Variants in OPRM1 observed in about 807,000 individuals in gnomAD.
OPRM1 encodes the protein opioid receptor mu 1, also known as mu-type opioid receptor.
A neutral mutation model predicts 31.8 loss-of-function variants in OPRM1; 27 were observed. That is an observed-to-expected ratio of 0.85 (90% CI 0.63 to 1.17). The LOEUF is 1.17. OPRM1 is among the 50% of genes most tolerant of loss of function. OPRM1 has a pLI of 0.00. For synonymous variants in OPRM1, 196 were observed against 189.9 expected, an observed-to-expected ratio of 1.03 and a Z score of -0.26; for missense variants, 536 against 511.1, an observed-to-expected ratio of 1.05 and a Z score of -0.47.
In OPRM1 at chr6:154,129,293, GTTC is replaced by G. The variant is rs923111261; in HGVS notation, c.*10577_*10579del. Among the ~76,000 whole-genome samples the G allele has an allele frequency of 3.9e-5, 6 of 152,202 alleles. No individual in the cohort carries two copies. The highest frequency in any genetic ancestry group is 2.6e-4 in the Admixed American group (4 of 15,286). On this transcript the variant is annotated 3_prime_UTR_variant, in exon 4 of 4. Transcript: ENST00000330432. Reference sequence around the variant, plus strand: ...TCTATACAATAGAGAACAGAACAATGTTCTTCTATACAATGTAAGGAATCTATG... The same window carrying G: ...TCTATACAATAGAGAACAGAACAATGTTCTATACAATGTAAGGAATCTATG...
At chr6:154,094,134 T>G in intron 3 of OPRM1, 1 of 825,476 alleles carries the variant, frequency 1.2e-6, no homozygotes, top group Middle Eastern at 2.6e-4. Context: ...CCTTATGTAT[T>G]TGTACTTTCT....
chr6:154,056,097 C>G (rs889900041), intron 1 of OPRM1, among the ~76,000 whole-genome samples: 2 of 151,342 alleles, frequency 1.3e-5, no homozygotes, highest in East Asian at 3.9e-4. Context: ...AATGATGGAG[C>G]TCTTTTCTTT....
At chr6:154,045,949 T>A (rs532394691) in intron 1 of OPRM1, among the ~76,000 whole-genome samples, 1 of 152,304 alleles carries the variant, frequency 6.6e-6, no homozygotes, top group South Asian at 2.1e-4. Flanking sequence ...CTCAAAAACA[T>A]GCCTCGTTTT....
At chr6:154,053,592 C>T (rs1291880855) in intron 1 of OPRM1, among the ~76,000 whole-genome samples, 2 of 152,142 alleles carry the variant, frequency 1.3e-5, no homozygotes, top group African/African-American at 2.4e-5. Flanking sequence ...TGCTTATAAT[C>T]CCTTGACTTC....
chr6:154,195,084 T>C (rs536936478), intron 3 of OPRM1, among the ~76,000 whole-genome samples: 5 of 151,968 alleles, frequency 3.3e-5, no homozygotes, highest in Non-Finnish European at 5.9e-5. Flanking sequence ...CCTTCTTATG[T>C]CCTGTCTCCT....
At chr6:154,225,283 A>G (rs1397694748) in intron 3 of OPRM1, among the ~76,000 whole-genome samples, 1 of 152,194 alleles carries the variant, frequency 6.6e-6, no homozygotes, top group Admixed American at 6.5e-5. Context: ...AGGGTACTCA[A>G]ATACATGTGC....
chr6:154,159,838 T>A, intron 3 of OPRM1: 1 of 1,611,346 alleles, frequency 6.2e-7, no homozygotes, highest in Non-Finnish European at 8.5e-7. Flanking sequence ...TCAAATGGAA[T>A]TTTCAACAGA....
chr6:154,186,494 T>C (rs1013046028), intron 3 of OPRM1, among the ~76,000 whole-genome samples: 10 of 152,044 alleles, frequency 6.6e-5, no homozygotes, highest in Non-Finnish European at 1.2e-4. Context: ...TCGCCGCCTA[T>C]CCTCCTTTCG....
chr6:154,056,162 T>C (rs945590065), intron 1 of OPRM1, among the ~76,000 whole-genome samples: 2 of 152,008 alleles, frequency 1.3e-5, no homozygotes, highest in African/African-American at 4.8e-5. Context: ...TCTTGCTCTG[T>C]CACCAGGCTG....
chr6:154,022,782 C>A (rs1562373332), intron 1 of OPRM1, among the ~76,000 whole-genome samples: 1 of 152,172 alleles, frequency 6.6e-6, no homozygotes, highest in Non-Finnish European at 1.5e-5. Flanking sequence ...ATCCAGTTTT[C>A]CCAGCACCAT....
intron 3 of OPRM1, among the ~76,000 whole-genome samples, chr6:154,245,292 A>T (rs963569125): frequency 6.6e-6 from 1 of 152,202 alleles, no homozygotes; most frequent in Non-Finnish European, 1.5e-5. Flanking sequence ...GCTTGGAAAA[A>T]AAAAATGTAT....
intron 1 of OPRM1, among the ~76,000 whole-genome samples, chr6:154,060,123 A>G (rs2128432871): frequency 6.6e-6 from 1 of 152,324 alleles, no homozygotes; most frequent in East Asian, 1.9e-4. Context: ...TCTAAGAAGA[A>G]TCAATCTGGA....
At chr6:154,107,477 C>G (rs912442872) in intron 3 of OPRM1, 5 of 718,528 alleles carry the variant, frequency 7.0e-6, no homozygotes, top group Admixed American at 4.0e-5. Flanking sequence ...GGAATTGAAC[C>G]TGGACTGTCA....
At chr6:154,093,283 C>G in intron 3 of OPRM1, 1 of 1,612,780 alleles carries the variant, frequency 6.2e-7, no homozygotes, top group Non-Finnish European at 8.5e-7. Context: ...CTACCTATAC[C>G]TTCCCTGTCT....
intron 1 of OPRM1, among the ~76,000 whole-genome samples, chr6:154,031,701 A>G (rs1050127822): frequency 6.6e-6 from 1 of 152,196 alleles, no homozygotes; most frequent in African/African-American, 2.4e-5. Context: ...AGATCGCGCC[A>G]TTGCACTCCA....
intron 1 of OPRM1, among the ~76,000 whole-genome samples, chr6:154,042,382 A>C (rs974332472): frequency 3.3e-5 from 5 of 152,222 alleles, no homozygotes; most frequent in Non-Finnish European, 5.9e-5. Context: ...TGTTGCATCT[A>C]TTAAGTATTG....
intron 1 of OPRM1, among the ~76,000 whole-genome samples, chr6:154,051,060 T>A (rs1271154846): frequency 7.2e-5 from 11 of 152,228 alleles, no homozygotes. Flanking sequence ...ATCAAAATTA[T>A]CCTTACAATG....
At chr6:154,056,900 A>G (rs2128425861) in intron 1 of OPRM1, among the ~76,000 whole-genome samples, 1 of 152,338 alleles carries the variant, frequency 6.6e-6, no homozygotes. Flanking sequence ...AAAGAAAACC[A>G]CATGGGCTGA....
intron 3 of OPRM1, among the ~76,000 whole-genome samples, chr6:154,116,388 C>A (rs1469609274): frequency 1.3e-5 from 2 of 152,022 alleles, no homozygotes; most frequent in African/African-American, 4.8e-5. Flanking sequence ...GAGCTCCAGA[C>A]CAGCCTGGCC....
Sources: gnomAD v4.1 joint callset for allele counts (sites outside exome capture counted in the v4.1 genomes callset) on GRCh38, gnomAD v4.1.1 for gene constraint, MANE v1.5 for transcripts, NCBI Gene and HGNC (gene_info 2026-07-23, HGNC 2026-07-21) for gene names.